The following GRM7 variants were observed in gnomAD, a reference collection of about 807,000 sequenced individuals.
GRM7 encodes the protein glutamate metabotropic receptor 7, also known as metabotropic glutamate receptor 7.
In GRM7, 35 loss-of-function variants were observed where a neutral mutation model predicts 84.5. The observed-to-expected ratio is 0.41, with a 90% CI of 0.32 to 0.55. GRM7 has a LOEUF of 0.55. GRM7 is among the 20% of genes least tolerant of loss of function. GRM7 has a pLI of 0.19. For synonymous variants in GRM7, 487 were observed against 455.1 expected (o/e 1.07, Z -0.89); for missense variants, 1,003 against 1,194.6 (o/e 0.84, Z 2.36).
chr3:7,127,779 T>G (rs1009106033), intron 1 of GRM7, among the ~76,000 whole-genome samples: 1 of 152,148 alleles, frequency 6.6e-6, no homozygotes, highest in African/African-American at 2.4e-5. Flanking sequence ...TTGCCTTTTT[T>G]TGTTTGTTTT....
At chr3:6,900,814 G>A (rs898966996) in intron 1 of GRM7, among the ~76,000 whole-genome samples, 4 of 152,112 alleles carry the variant, frequency 2.6e-5, no homozygotes, top group African/African-American at 7.2e-5. Flanking sequence ...CCCAAATAAG[G>A]TCCATCAGGG....
At chr3:7,171,500 CCA>C (rs1184125576) in intron 2 of GRM7, among the ~76,000 whole-genome samples, 1 of 152,084 alleles carries the variant, frequency 6.6e-6, no homozygotes, top group Non-Finnish European at 1.5e-5. Flanking sequence ...TTTTATGGCA[CCA>C]CACACTTCCA....
chr3:7,424,542 C>A (rs186520411), intron 5 of GRM7, among the ~76,000 whole-genome samples: 2 of 152,132 alleles, frequency 1.3e-5, no homozygotes, highest in Admixed American at 1.3e-4. Flanking sequence ...TACAAAAGAC[C>A]AGAACCTTGG....
chr3:6,865,739 A>G (rs1694916966), intron 1 of GRM7, among the ~76,000 whole-genome samples: 1 of 152,208 alleles, frequency 6.6e-6, no homozygotes, highest in South Asian at 2.1e-4. Flanking sequence ...AATATTTTAT[A>G]CAGAAATACC....
intron 8 of GRM7, among the ~76,000 whole-genome samples, chr3:7,610,009 C>T (rs1468313240): frequency 6.6e-6 from 1 of 152,156 alleles, no homozygotes; most frequent in East Asian, 1.9e-4. Flanking sequence ...CTTAAACAGA[C>T]TTGAGTGCCT....
intron 1 of GRM7, among the ~76,000 whole-genome samples, chr3:7,026,431 A>G (rs574602972): frequency 1.3e-5 from 2 of 152,248 alleles, no homozygotes; most frequent in Non-Finnish European, 2.9e-5. Flanking sequence ...ACTCTTGATT[A>G]TAAATGCTGC....
intron 1 of GRM7, among the ~76,000 whole-genome samples, chr3:6,947,779 T>G (rs957813306): frequency 2.6e-5 from 4 of 152,216 alleles, no homozygotes; most frequent in African/African-American, 9.6e-5. Context: ...TGGTTTAGTC[T>G]TGGGAGAGTG....
intron 7 of GRM7, among the ~76,000 whole-genome samples, chr3:7,477,210 G>A (rs1698957387): frequency 6.6e-6 from 1 of 152,070 alleles, no homozygotes; most frequent in African/African-American, 2.4e-5. Context: ...CATTTCTGGT[G>A]GAATTTTTTT....
intron 1 of GRM7, among the ~76,000 whole-genome samples, chr3:6,903,314 A>C (rs1287857405): frequency 6.6e-6 from 1 of 151,300 alleles, no homozygotes; most frequent in Non-Finnish European, 1.5e-5. Context: ...CTCCCAACTC[A>C]TCTCTAATAT....
chr3:7,499,636 C>T (rs998355666), intron 7 of GRM7, among the ~76,000 whole-genome samples: 1 of 152,066 alleles, frequency 6.6e-6, no homozygotes, highest in African/African-American at 2.4e-5. Context: ...AAAATGCTTC[C>T]AGATTACACA....
At chr3:7,562,426 T>A (rs1177495377) in intron 7 of GRM7, among the ~76,000 whole-genome samples, 16 of 152,060 alleles carry the variant, frequency 1.1e-4, no homozygotes, top group Non-Finnish European at 4.4e-5. Flanking sequence ...TATAGAGTCA[T>A]ATTTGGTTTT....
intron 1 of GRM7, among the ~76,000 whole-genome samples, chr3:7,130,608 C>G (rs1236748655): frequency 6.6e-6 from 1 of 151,458 alleles, no homozygotes; most frequent in South Asian, 2.1e-4. Context: ...GTAGCTCTAT[C>G]TCAAAATCTT....
chr3:7,059,025 A>G (rs888673967), intron 1 of GRM7, among the ~76,000 whole-genome samples: 2 of 151,832 alleles, frequency 1.3e-5, no homozygotes, highest in Non-Finnish European at 2.9e-5. Context: ...AAGTACAATG[A>G]TTTCCTTATT....
intron 8 of GRM7, 26 bp from the exon 9 acceptor site, chr3:7,680,023 A>C (rs748962264): frequency 6.2e-7 from 1 of 1,611,446 alleles, no homozygotes; most frequent in Admixed American, 1.7e-5. Context: ...TATTTGTAAT[A>C]GTGCCTTGTG....
intron 4 of GRM7, among the ~76,000 whole-genome samples, chr3:7,340,127 T>C (rs559753689): frequency 1.1e-4 from 17 of 152,168 alleles, no homozygotes; most frequent in African/African-American, 4.1e-4. Context: ...AATATTTCTG[T>C]GAAATAATAA....
intron 1 of GRM7, among the ~76,000 whole-genome samples, chr3:6,961,079 T>C (rs1693279750): frequency 6.6e-6 from 1 of 152,204 alleles, no homozygotes; most frequent in Non-Finnish European, 1.5e-5. Context: ...CCAGTCTCTC[T>C]CACTTCCTTG....
intron 1 of GRM7, among the ~76,000 whole-genome samples, chr3:6,995,767 G>T (rs1186560762): frequency 1.3e-5 from 2 of 152,004 alleles, no homozygotes; most frequent in Non-Finnish European, 2.9e-5. Flanking sequence ...TTTTTGAAAG[G>T]CTATAGTGAT....
At chr3:6,908,499 C>G (rs1696658009) in intron 1 of GRM7, among the ~76,000 whole-genome samples, 1 of 152,128 alleles carries the variant, frequency 6.6e-6, no homozygotes, top group Non-Finnish European at 1.5e-5. Context: ...TTCAGAGAGG[C>G]TACATGACTC....
intron 1 of GRM7, among the ~76,000 whole-genome samples, chr3:7,046,268 A>G (rs1057347059): frequency 2.6e-5 from 4 of 152,038 alleles, no homozygotes; most frequent in African/African-American, 9.7e-5. Context: ...TGTTTTATAG[A>G]TTTCTAAACA....
Sources: allele counts gnomAD v4.1 joint callset (sites outside exome capture counted in the v4.1 genomes callset), GRCh38; gene constraint gnomAD v4.1.1; transcripts MANE v1.5; gene names NCBI Gene and HGNC (gene_info 2026-07-23, HGNC 2026-07-21).